Variants in CLYBL observed in about 807,000 individuals in gnomAD.
CLYBL encodes the protein citramalyl-CoA lyase, mitochondrial.
CLYBL carries 31 observed loss-of-function variants against 38.9 expected under a neutral mutation model. The observed-to-expected ratio is 0.80, with a 90% CI of 0.60 to 1.08. The LOEUF is 1.08. CLYBL is among the 50% of genes least tolerant of loss of function. The pLI, the probability that CLYBL is intolerant of heterozygous loss-of-function variation, is 0.00. For missense variants in CLYBL, 434 were observed against 411.6 expected, an observed-to-expected ratio of 1.05 and a Z score of -0.47; for synonymous variants, 171 against 158.6, an observed-to-expected ratio of 1.08 and a Z score of -0.59.
At chr13:99,795,809 G>A (rs2050010730) in intron 2 of CLYBL, among the ~76,000 whole-genome samples, 1 of 152,198 alleles carries the variant, frequency 6.6e-6, no homozygotes, top group Non-Finnish European at 1.5e-5. Flanking sequence ...AATTCTTGGA[G>A]CCTCCAGGGG....
downstream of CLYBL, chr13:99,895,250 T>C (rs941173243): frequency 2.0e-5 from 3 of 149,970 alleles, no homozygotes; most frequent in Admixed American, 6.7e-5. Context: ...AATACGGGTT[T>C]GTTTTAATTG....
intron 1 of CLYBL, among the ~76,000 whole-genome samples, chr13:99,607,082 T>A (rs1047943006): frequency 1.3e-5 from 2 of 152,226 alleles, no homozygotes; most frequent in African/African-American, 4.8e-5. Context: ...GCGGCTTGCC[T>A]GGTGAAGAAC....
chr13:99,609,423 C>T (rs1158171350), intron 1 of CLYBL, among the ~76,000 whole-genome samples: 1 of 152,142 alleles, frequency 6.6e-6, no homozygotes, highest in Non-Finnish European at 1.5e-5. Flanking sequence ...GATCCACCTG[C>T]CTTGGCCTCC....
intron 1 of CLYBL, among the ~76,000 whole-genome samples, chr13:99,683,802 A>AT (rs35442779): frequency 0.49 from 74,559 of 150,694 alleles, 19,556 homozygotes; most frequent in African/African-American, 0.67. Context: ...AGCATAATAT[A>AT]AAACCAGTAA....
chr13:99,800,474 A>C (rs2050109811), intron 2 of CLYBL, among the ~76,000 whole-genome samples: 1 of 152,172 alleles, frequency 6.6e-6, no homozygotes. Context: ...GTGGAGAGAA[A>C]TCCTGTCCTG....
At chr13:99,895,606 G>A (rs1472573135), downstream of CLYBL, 1 of 152,226 alleles carries the variant, frequency 6.6e-6, no homozygotes, top group Non-Finnish European at 1.5e-5. Context: ...CCCAGACCCC[G>A]CGGGCGAGCC....
intron 1 of CLYBL, among the ~76,000 whole-genome samples, chr13:99,668,319 G>T (rs552645568): frequency 6.6e-6 from 1 of 150,906 alleles, no homozygotes; most frequent in Non-Finnish European, 1.5e-5. Context: ...GGGCATGGTA[G>T]CTCACGCCTG....
At chr13:99,711,917 A>G (rs1456191291) in intron 1 of CLYBL, among the ~76,000 whole-genome samples, 1 of 132,964 alleles carries the variant, frequency 7.5e-6, no homozygotes, top group East Asian at 2.5e-4. Flanking sequence ...GGATTTCACC[A>G]TCTTGGCCAG....
intron 1 of CLYBL, among the ~76,000 whole-genome samples, chr13:99,713,296 G>A (rs993465744): frequency 7.9e-6 from 1 of 127,258 alleles, no homozygotes; most frequent in African/African-American, 2.9e-5. Flanking sequence ...AAATTTATGT[G>A]TTTTAGTTCT....
intron 1 of CLYBL, among the ~76,000 whole-genome samples, chr13:99,723,978 T>C (rs1353108629): frequency 1.3e-5 from 2 of 152,230 alleles, no homozygotes; most frequent in Non-Finnish European, 2.9e-5. Context: ...CTCACCATTG[T>C]CTGAGCTCCT....
chr13:99,747,955 A>T (rs1282275247), intron 1 of CLYBL, among the ~76,000 whole-genome samples: 1 of 152,220 alleles, frequency 6.6e-6, no homozygotes, highest in African/African-American at 2.4e-5. Flanking sequence ...TATACATAAC[A>T]TAAAATGTTA....
chr13:99,772,864 A>C lies in CLYBL; in HGVS notation c.103A>C (p.Ser35Arg), dbSNP rs771055861. ...AGCTGATATCCCCAGACTTGGATAT[A>C]GTTCCTCATCCCATCACAAGTACAT... is the stretch of plus-strand genomic sequence containing the variant. ...LAADIPRLGYSSSSHHKYIPR... is the reference protein window; with the variant it reads ...LAADIPRLGYRSSSHHKYIPR... The change falls in exon 2 of 9, where the codon AGT (serine) becomes CGT (arginine). Residue 35 changes from serine (S) to arginine (R), a missense_variant. Ser to Arg is a moderately radical substitution (Grantham distance 110). Coordinates refer to ENST00000339105, the MANE Select transcript of CLYBL (RefSeq NM_206808.5). 1 of 1,611,008 alleles carries C rather than the reference A, an allele frequency of 6.2e-7. No individual in the cohort carries two copies. The highest frequency in any genetic ancestry group is 8.5e-7 in the Non-Finnish European group (1 of 1,179,390).
chr13:99,682,937 C>T (rs2047758629), intron 1 of CLYBL, among the ~76,000 whole-genome samples: 1 of 152,014 alleles, frequency 6.6e-6, no homozygotes, highest in African/African-American at 2.4e-5. Flanking sequence ...GGGGTTTCGC[C>T]ATGTTGGCCA....
At chr13:99,706,378 C>T (rs1333511118) in intron 1 of CLYBL, among the ~76,000 whole-genome samples, 1 of 152,228 alleles carries the variant, frequency 6.6e-6, no homozygotes, top group Admixed American at 6.5e-5. Flanking sequence ...CTTCCACCCT[C>T]CAGGACACTC....
In CLYBL at chr13:99,691,949, G is replaced by C. The variant is rs538787298; in HGVS notation, c.63-80875G>C. Reference sequence around the variant, plus strand: ...GAAAGCCATGTTGCACGGAGCTCCCGGTCCCTGAGTTTTCAGACTGATCTT... The same window carrying C: ...GAAAGCCATGTTGCACGGAGCTCCCCGTCCCTGAGTTTTCAGACTGATCTT... On this transcript the variant is annotated intron_variant, in intron 1 of 8. Coordinates refer to ENST00000339105, the MANE Select transcript of CLYBL (RefSeq NM_206808.5). 2.6e-5 allele frequency among the ~76,000 whole-genome samples: 4 copies of C among 152,278 alleles called. No homozygotes were observed. In the South Asian group the frequency reaches 6.2e-4, roughly 24 times the overall value.
At chr13:99,705,892 A>G (rs2048139250) in intron 1 of CLYBL, among the ~76,000 whole-genome samples, 1 of 152,056 alleles carries the variant, frequency 6.6e-6, no homozygotes, top group African/African-American at 2.4e-5. Context: ...TTCAAATGCT[A>G]AATTGTATGT....
intron 2 of CLYBL, among the ~76,000 whole-genome samples, chr13:99,829,649 G>T (rs2050766057): frequency 6.6e-6 from 1 of 152,166 alleles, no homozygotes; most frequent in African/African-American, 2.4e-5. Context: ...TGACTCAAAT[G>T]ATGACATTGG....
At chr13:99,662,544 T>G (rs1257607570) in intron 1 of CLYBL, among the ~76,000 whole-genome samples, 2 of 149,876 alleles carry the variant, frequency 1.3e-5, no homozygotes, top group South Asian at 2.1e-4. Flanking sequence ...AGGCAGTAAT[T>G]ATAGTGAGTC....
chr13:99,606,909 C>T, intron 1 of CLYBL, 152 bp downstream of exon 1: 1 of 1,254,758 alleles, frequency 8.0e-7, no homozygotes, highest in East Asian at 3.3e-5. Context: ...GCTGGCTCGA[C>T]CTCGTCCAAG....
Sources: allele counts gnomAD v4.1 joint callset (sites outside exome capture counted in the v4.1 genomes callset), GRCh38; gene constraint gnomAD v4.1.1; transcripts MANE v1.5; gene names NCBI Gene and HGNC (gene_info 2026-07-23, HGNC 2026-07-21).